Variants in AGPAT3 observed in about 807,000 individuals in gnomAD.
AGPAT3 encodes the protein 1-acylglycerol-3-phosphate O-acyltransferase 3.
A neutral mutation model predicts 47.3 loss-of-function variants in AGPAT3; 5 were observed. That is an observed-to-expected ratio of 0.11 (90% CI 0.06 to 0.22). The LOEUF (loss-of-function observed/expected upper bound fraction) is 0.22. Ranked by LOEUF, AGPAT3 falls within the 10% of genes least tolerant of loss-of-function variation. AGPAT3 has a pLI of 1.00. For synonymous variants in AGPAT3, 212 were observed against 208.3 expected, an observed-to-expected ratio of 1.02 and a Z score of -0.15; for missense variants, 315 against 493.0, an observed-to-expected ratio of 0.64 and a Z score of 3.42.
intron 1 of AGPAT3, among the ~76,000 whole-genome samples, chr21:43,872,040 A>G (rs1365371769): frequency 6.6e-6 from 1 of 152,128 alleles, no homozygotes; most frequent in African/African-American, 2.4e-5. Context: ...TAAGCCCTTT[A>G]TCTCTCTAGA....
chr21:43,963,389 C>T (rs2088969278), intron 3 of AGPAT3, among the ~76,000 whole-genome samples: 1 of 152,182 alleles, frequency 6.6e-6, no homozygotes, highest in South Asian at 2.1e-4. Context: ...CACACCTAGG[C>T]AGGCCCTGGG....
chr21:43,899,725 C>T (rs1195094895), intron 1 of AGPAT3, among the ~76,000 whole-genome samples: 1 of 152,166 alleles, frequency 6.6e-6, no homozygotes, highest in African/African-American at 2.4e-5. Context: ...AGGAGGCTTC[C>T]CAGGCATCAC....
At chr21:43,977,885 CAAA>C (rs573227227) in intron 7 of AGPAT3, among the ~76,000 whole-genome samples, 158 bp from the exon 8 acceptor site, 3 of 117,384 alleles carry the variant, frequency 2.6e-5, no homozygotes. Flanking sequence ...GACTCCATCT[CAAA>C]AAAAAAAAAA....
intron 3 of AGPAT3, among the ~76,000 whole-genome samples, chr21:43,963,002 C>T (rs983123754): frequency 6.6e-6 from 1 of 152,030 alleles, no homozygotes; most frequent in Non-Finnish European, 1.5e-5. Flanking sequence ...AGATTAGATA[C>T]AGTTAATGAG....
chr21:43,937,264 T>G (rs1263616788), intron 2 of AGPAT3, among the ~76,000 whole-genome samples: 1 of 152,216 alleles, frequency 6.6e-6, no homozygotes, highest in Non-Finnish European at 1.5e-5. Flanking sequence ...TCCCTAGATA[T>G]GTGTGAGTCC....
chr21:43,879,499 G>A (rs1168943565), intron 1 of AGPAT3, among the ~76,000 whole-genome samples: 1 of 152,124 alleles, frequency 6.6e-6, no homozygotes, highest in Non-Finnish European at 1.5e-5. Context: ...TGCTGGAGGA[G>A]GAGTCTGGTC....
At position 43,939,933 on chromosome 21, in the gene AGPAT3, A is replaced by C. The variant is rs932412392; in HGVS notation, c.-48-19701A>C. On this transcript the variant is annotated intron_variant, in intron 2 of 9. Transcript: ENST00000291572. The surrounding 1 kb of genome is among the most constrained non-coding windows in gnomAD (Gnocchi z 4.4). Reference sequence around the variant, plus strand: ...TTGGATTAGCCGGTGCCCCGACGGCAGAGCCCGCAGCTGTGCGCAGGAGGA... The same window carrying C: ...TTGGATTAGCCGGTGCCCCGACGGCCGAGCCCGCAGCTGTGCGCAGGAGGA... 1.6e-4 allele frequency among the ~76,000 whole-genome samples: 24 copies of C among 152,212 alleles called. No individual in the cohort carries two copies. The highest frequency in any genetic ancestry group is 1.8e-4 in the Non-Finnish European group (12 of 68,026).
intron 8 of AGPAT3, 74 bp downstream of exon 8, chr21:43,978,195 A>T: frequency 2.2e-6 from 3 of 1,350,552 alleles, no homozygotes; most frequent in Non-Finnish European, 3.1e-6. Flanking sequence ...GCGAGCAGGC[A>T]GGTGACACGT....
chr21:43,955,196 C>T lies in AGPAT3; in HGVS notation c.-48-4438C>T. 1.6e-6 allele frequency: 2 copies of T among 1,257,894 alleles called. No individual in the cohort carries two copies. The highest frequency in any genetic ancestry group is 2.1e-6 in the Non-Finnish European group (2 of 968,706). The allele number at this position is 1,257,894 out of a possible 1,614,324, so 77.9% of individuals were successfully genotyped here. On this transcript the variant is annotated intron_variant, in intron 2 of 9. Coordinates refer to ENST00000291572, the MANE Select transcript of AGPAT3 (RefSeq NM_020132.5). The surrounding 1 kb of genome is among the most constrained non-coding windows in gnomAD (Gnocchi z 4.1). ...TCTCAGAAGCACCGCGCTGGACCGG[C>T]TGGGCCAGATGCCATGGGATTCTGT...
chr21:43,982,279 T>TTCTC lies in AGPAT3; in HGVS notation c.1043-16_1043-13dup. The stretch of plus-strand genomic sequence containing the variant: ...AAGGCAAAGTCATCCGTCTCACCTC[T>TTCTC]TCTCTCTCTCTCCTGTCTTGAAAGC... On this transcript the variant is annotated intron_variant, in intron 9 of 9. Coordinates refer to ENST00000291572, the MANE Select transcript of AGPAT3 (RefSeq NM_020132.5). This position sits in a 1 kb window ranked among gnomAD's most constrained non-coding sequence, Gnocchi z 6.2. The TTCTC allele has an allele frequency of 6.3e-7, 1 of 1,574,934 alleles. No individual in the cohort carries two copies. Among genetic ancestry groups the TTCTC allele is most frequent in the Non-Finnish European group, 8.7e-7 (1 of 1,149,196 alleles).
In AGPAT3 at chr21:43,985,526, T is replaced by A. The variant is rs1252691196; in HGVS notation, c.*3134T>A. 3.6e-6 allele frequency: 1 copy of A among 277,012 alleles called. No homozygotes were observed. The highest frequency in any genetic ancestry group is 7.1e-6 in the Non-Finnish European group (1 of 141,556). The allele number at this position is 277,012 out of a possible 1,614,324, so 17.2% of individuals were successfully genotyped here. On this transcript the variant is annotated 3_prime_UTR_variant, in exon 10 of 10. Coordinates refer to ENST00000291572, the MANE Select transcript of AGPAT3 (RefSeq NM_020132.5). ...CTGTTCGTTGCGGTATTGCTGAGCATTGATGTTGATTTGAAGGAAAAGCCG... is the reference window on the plus strand; with the variant it reads ...CTGTTCGTTGCGGTATTGCTGAGCAATGATGTTGATTTGAAGGAAAAGCCG...
chr21:43,902,658 G>GC (rs2086385488), intron 1 of AGPAT3, among the ~76,000 whole-genome samples: 1 of 152,228 alleles, frequency 6.6e-6, no homozygotes, highest in Admixed American at 6.5e-5. Flanking sequence ...CTAATCCCCT[G>GC]CCAATGGCCC....
At position 43,932,713 on chromosome 21, in the gene AGPAT3, C is replaced by T. The variant is rs893578870; in HGVS notation, c.-48-26921C>T. ...TCGCCCAGGCTGGAGTGCGATGGCA[C>T]GGTCTCGGCTCACTGCAAGCTCCGC... On this transcript the variant is annotated intron_variant, in intron 2 of 9. Coordinates refer to ENST00000291572, the MANE Select transcript of AGPAT3 (RefSeq NM_020132.5). The surrounding 1 kb of genome is among the most constrained non-coding windows in gnomAD (Gnocchi z 5.2). Among the ~76,000 whole-genome samples the T allele has an allele frequency of 1.7e-4, 26 of 152,214 alleles. No homozygotes were observed. Among genetic ancestry groups the T allele is most frequent in the Non-Finnish European group, 2.5e-4 (17 of 68,032 alleles).
chr21:43,947,808 T>C (rs1414288664), intron 2 of AGPAT3, among the ~76,000 whole-genome samples: 1 of 151,754 alleles, frequency 6.6e-6, no homozygotes, highest in Non-Finnish European at 1.5e-5. Flanking sequence ...CACACCCGGC[T>C]AATTTTTTGT....
Position 43,982,249 on chromosome 21 carries a change from G to T in AGPAT3, c.1043-55G>T. On this transcript the variant is annotated intron_variant, in intron 9 of 9. Coordinates refer to ENST00000291572, the MANE Select transcript of AGPAT3 (RefSeq NM_020132.5). This position sits in a 1 kb window ranked among gnomAD's most constrained non-coding sequence, Gnocchi z 6.2. ...GGAAGCCCCAGTAACACGTTTTACAGCAAAAAGGCAAAGTCATCCGTCTCA... is the reference window on the plus strand; with the variant it reads ...GGAAGCCCCAGTAACACGTTTTACATCAAAAAGGCAAAGTCATCCGTCTCA... 1.4e-6 allele frequency: 2 copies of T among 1,429,310 alleles called. No homozygotes were observed. The highest frequency in any genetic ancestry group is 4.6e-5 in the East Asian group (2 of 43,780). 88.5% of individuals were successfully genotyped at this position (1,429,310 alleles called of 1,614,324 possible). A position where few individuals can be genotyped will look rare whatever the true frequency, so the allele number is the denominator to read the frequency against.
At chr21:43,890,021 C>T (rs1300239382) in intron 1 of AGPAT3, among the ~76,000 whole-genome samples, 1 of 152,124 alleles carries the variant, frequency 6.6e-6, no homozygotes, top group Admixed American at 6.6e-5. Context: ...TAAAATATGA[C>T]ATTTTGGATC....
At chr21:43,875,232 G>A (rs1321072994) in intron 1 of AGPAT3, among the ~76,000 whole-genome samples, 2 of 152,068 alleles carry the variant, frequency 1.3e-5, no homozygotes, top group Non-Finnish European at 2.9e-5. Flanking sequence ...GCCCTCCTCG[G>A]CCTCCCTCCC....
chr21:43,884,138 G>C lies in AGPAT3; in HGVS notation c.-112+18793G>C, dbSNP rs75933668. Reference sequence around the variant, plus strand: ...GAGATGAGTCACCCAGTCTCAGCTCGCAGGCCTTCCTGGACGTTCCCAGAT... The same window carrying C: ...GAGATGAGTCACCCAGTCTCAGCTCCCAGGCCTTCCTGGACGTTCCCAGAT... On this transcript the variant is annotated intron_variant, in intron 1 of 9. Transcript: ENST00000291572. 5.2e-3 allele frequency among the ~76,000 whole-genome samples: 787 copies of C among 152,220 alleles called. 5 individuals are homozygous for C. Among genetic ancestry groups the C allele is most frequent in the African/African-American group, 0.018 (736 of 41,532 alleles).
rs770751588 is a variant in AGPAT3 at position 43,970,746 on chromosome 21, T to C, written c.604T>C (p.Tyr202His). 6.2e-7 allele frequency: 1 copy of C among 1,611,152 alleles called. No individual in the cohort carries two copies. Among genetic ancestry groups the C allele is most frequent in the South Asian group, 1.1e-5 (1 of 90,920 alleles). ...TGCTAAGGGGCTTCCTGTCCTCAAG[T>C]ACCACCTGCTGCCGCGGACCAAGGG... ...AAAKGLPVLK[Y>H]HLLPRTKGFT... The change falls in exon 6 of 10, where the codon TAC (tyrosine) becomes CAC (histidine). Residue 202 changes from tyrosine to histidine, a missense_variant. Tyr to His is a moderately conservative substitution (Grantham distance 83). Coordinates refer to ENST00000291572, the MANE Select transcript of AGPAT3 (RefSeq NM_020132.5). This position sits in a 1 kb window ranked among gnomAD's most constrained non-coding sequence, Gnocchi z 5.8.
Sources: gnomAD v4.1 joint callset for allele counts (sites outside exome capture counted in the v4.1 genomes callset) on GRCh38, gnomAD v4.1.1 for gene constraint, Gnocchi (gnomAD v3.1) non-coding constraint, MANE v1.5 for transcripts, NCBI Gene and HGNC (gene_info 2026-07-23, HGNC 2026-07-21) for gene names.